AP3D1: variants seen among roughly 807,000 people sequenced by gnomAD.
AP3D1 encodes the protein AP-3 complex subunit delta-1.
A neutral mutation model predicts 147.6 loss-of-function variants in AP3D1; 51 were observed. The observed-to-expected ratio is 0.35, with a 90% CI of 0.28 to 0.44. The LOEUF (loss-of-function observed/expected upper bound fraction) is 0.44, where lower values mean the gene tolerates loss of function less well. Ranked by LOEUF, AP3D1 falls within the 20% of genes least tolerant of loss-of-function variation. The pLI is 1.00. For synonymous variants in AP3D1, 760 were observed against 663.0 expected (o/e 1.15, Z -2.25); for missense variants, 1,421 against 1,624.2 (o/e 0.87, Z 2.15).
At chr19:2,150,131 T>C (rs939482715) in intron 1 of AP3D1, among the ~76,000 whole-genome samples, 1 of 152,202 alleles carries the variant, frequency 6.6e-6, no homozygotes, top group Non-Finnish European at 1.5e-5. Context: ...GAGAGGGACA[T>C]GGGCTGAGGG....
At position 2,161,155 on chromosome 19, in the gene AP3D1, GTTTTTT is replaced by G. The variant is rs58654241; in HGVS notation, c.-103+3195_-103+3200del. ...TCTGGCCCATCAGGAGCTTCTCCTA[GTTTTTT>G]TTTTTTTTTTTTTTTTTGAGACAGA... is the stretch of plus-strand genomic sequence containing the variant. On this transcript the variant is annotated intron_variant, in intron 1 of 14. Coordinates refer to the AP3D1 transcript ENST00000643010. Among the ~76,000 whole-genome samples the G allele has an allele frequency of 4.1e-3, 516 of 125,380 alleles. 2 individuals carry two copies. Among genetic ancestry groups the G allele is most frequent in the African/African-American group, 0.014 (475 of 34,004 alleles). The allele number at this position is 125,380 out of a possible 152,430, so 82.3% of individuals were successfully genotyped here.
rs369000117 is a variant in AP3D1 at position 2,110,186 on chromosome 19, T to G, written c.3214A>C (p.Ser1072Arg). ...TTGAGCTTCTGCGCCATGACGATGC[T>G]CTGGATGGTGAACACATACTGGGCT... ...NEAQYVFTIQ[S>R]IVMAQKLKGT... The change falls in exon 28 of 32, where the codon AGC (serine) becomes CGC (arginine). Residue 1072 changes from serine (S) to arginine (R), a missense_variant. By Grantham distance (110) the Ser-to-Arg change is moderately radical. Transcript: ENST00000643116. The G allele has an allele frequency of 8.8e-5, 142 of 1,612,638 alleles. No individual in the cohort carries two copies. The highest frequency in any genetic ancestry group is 1.1e-4 in the Non-Finnish European group (126 of 1,179,984).
intron 14 of AP3D1, 152 bp from the exon 15 acceptor site, chr19:2,118,984 G>A: frequency 1.4e-6 from 1 of 693,156 alleles, no homozygotes; most frequent in Non-Finnish European, 2.4e-6. Flanking sequence ...GAGACACGAA[G>A]TAGAAGAAAC....
intron 31 of AP3D1, among the ~76,000 whole-genome samples, chr19:2,103,322 G>A (rs1568270228): frequency 6.6e-6 from 1 of 152,170 alleles, no homozygotes; most frequent in Non-Finnish European, 1.5e-5. Flanking sequence ...GCCGGCACCT[G>A]AGGGCCCTGA....
intron 11 of AP3D1, among the ~76,000 whole-genome samples, chr19:2,122,788 T>C (rs985116215): frequency 6.6e-6 from 1 of 152,308 alleles, no homozygotes; most frequent in Admixed American, 6.5e-5. Context: ...CTATCTGGGC[T>C]GTTGCAGGCG....
upstream of AP3D1, chr19:2,164,516 T>G: frequency 3.4e-6 from 1 of 290,346 alleles, no homozygotes; most frequent in Non-Finnish European, 6.4e-6. Context: ...CGCGGTGCCG[T>G]TGCCCCCGCC....
intron 27 of AP3D1, 99 bp downstream of exon 27, chr19:2,110,608 T>C (rs773853069): frequency 2.9e-4 from 372 of 1,277,294 alleles, no homozygotes; most frequent in Admixed American, 3.4e-4. Flanking sequence ...AAAGGGGACA[T>C]GGGGAGGAAG....
intron 1 of AP3D1, among the ~76,000 whole-genome samples, chr19:2,150,022 G>T (rs966229232): frequency 4.6e-5 from 7 of 152,160 alleles, no homozygotes; most frequent in East Asian, 1.9e-4. Flanking sequence ...GGGTGGAGAA[G>T]AACAAAAATG....
chr19:2,161,427 G>T (rs976218196), intron 1 of AP3D1, among the ~76,000 whole-genome samples: 1 of 151,992 alleles, frequency 6.6e-6, no homozygotes, highest in Non-Finnish European at 1.5e-5. Context: ...CTCCCAAAGT[G>T]CTGGGATTAC....
At chr19:2,144,977 G>A (rs895335262) in intron 1 of AP3D1, among the ~76,000 whole-genome samples, 12 of 152,254 alleles carry the variant, frequency 7.9e-5, no homozygotes, top group East Asian at 5.8e-4. Flanking sequence ...GTCAGTGGTC[G>A]CCAGGGCATA....
intron 17 of AP3D1, 54 bp downstream of exon 17, chr19:2,116,551 C>A (rs1236918118): frequency 1.3e-6 from 2 of 1,505,484 alleles, no homozygotes; most frequent in African/African-American, 1.4e-5. Flanking sequence ...CTCAAAGACT[C>A]CCTGGGACAG....
chr19:2,118,482 A>G (rs2145055709), intron 15 of AP3D1, 119 bp downstream of exon 15: 2 of 1,009,106 alleles, frequency 2.0e-6, no homozygotes, highest in African/African-American at 1.6e-5. Context: ...TGGCAACAAA[A>G]GAATCTCAGT....
At chr19:2,137,902 G>T in intron 2 of AP3D1, 95 bp from the exon 3 acceptor site, 1 of 1,131,714 alleles carries the variant, frequency 8.8e-7, no homozygotes, top group Non-Finnish European at 1.3e-6. Flanking sequence ...AGCACACGGT[G>T]CTGGAACAGA....
upstream of AP3D1, among the ~76,000 whole-genome samples, chr19:2,154,569 G>T (rs1473909151): frequency 6.6e-6 from 1 of 152,128 alleles, no homozygotes; most frequent in African/African-American, 2.4e-5. Flanking sequence ...GAGCCACCAC[G>T]CCCCATCCTA....
chr19:2,105,964 G>A (rs771754038), intron 31 of AP3D1, among the ~76,000 whole-genome samples: 5 of 152,150 alleles, frequency 3.3e-5, no homozygotes, highest in South Asian at 2.1e-4. Context: ...AGGCGTGGTC[G>A]TGGGCACCTG....
chr19:2,132,666 T>A, intron 4 of AP3D1, 88 bp from the exon 5 acceptor site: 1 of 1,113,792 alleles, frequency 9.0e-7, no homozygotes, highest in Non-Finnish European at 1.3e-6. Flanking sequence ...GGAGCGAAAT[T>A]CTCCCAGGAT....
intron 8 of AP3D1, 74 bp from the exon 9 acceptor site, chr19:2,127,275 C>G (rs2018783483): frequency 5.2e-6 from 8 of 1,536,808 alleles, no homozygotes; most frequent in Non-Finnish European, 7.1e-6. Flanking sequence ...GTGCCGGCAG[C>G]TCAGCTGGAG....
intron 12 of AP3D1, 21 bp from the exon 13 acceptor site, chr19:2,121,332 A>C: frequency 6.2e-7 from 1 of 1,613,502 alleles, no homozygotes; most frequent in Non-Finnish European, 8.5e-7. Flanking sequence ...GTGTACAGAC[A>C]GTGGTGAGAG....
upstream of AP3D1, among the ~76,000 whole-genome samples, chr19:2,155,509 G>A (rs1337124136): frequency 1.4e-5 from 2 of 146,250 alleles, no homozygotes; most frequent in African/African-American, 2.5e-5. Flanking sequence ...ACTCCAGCCT[G>A]GGTGACAGCG....
Sources: gnomAD v4.1 joint callset for allele counts (sites outside exome capture counted in the v4.1 genomes callset) on GRCh38, gnomAD v4.1.1 for gene constraint, MANE v1.5 for transcripts, NCBI Gene and HGNC (gene_info 2026-07-23, HGNC 2026-07-21) for gene names.